ACOXL: variants seen among roughly 807,000 people sequenced by gnomAD.
ACOXL encodes the protein acyl-coenzyme A oxidase-like protein.
A neutral mutation model predicts 71.9 loss-of-function variants in ACOXL; 70 were observed. That is an observed-to-expected ratio of 0.97 (90% confidence interval 0.80 to 1.19). The LOEUF (loss-of-function observed/expected upper bound fraction) is 1.19, where lower values mean the gene tolerates loss of function less well. Ranked by LOEUF, ACOXL falls within the 50% of genes most tolerant of loss-of-function variation. The probability of loss-of-function intolerance (pLI) is 0.00; values close to 1 mark genes in which losing one functional copy is unlikely to be tolerated. For missense variants in ACOXL, 703 were observed against 736.3 expected, an observed-to-expected ratio of 0.95 and a Z score of 0.52; for synonymous variants, 253 against 281.6, an observed-to-expected ratio of 0.90 and a Z score of 1.02.
At chr2:110,796,471 A>G (rs1375512166) in intron 5 of ACOXL, among the ~76,000 whole-genome samples, 1 of 152,182 alleles carries the variant, frequency 6.6e-6, no homozygotes, top group Non-Finnish European at 1.5e-5. Flanking sequence ...GGCTGATGCA[A>G]ACTTTCCAAA....
At chr2:110,918,438 A>G (rs1002018367) in intron 11 of ACOXL, among the ~76,000 whole-genome samples, 3 of 152,144 alleles carry the variant, frequency 2.0e-5, no homozygotes, top group African/African-American at 7.2e-5. Flanking sequence ...AAGACCTAAA[A>G]CCATCAAAAT....
chr2:111,008,898 A>T (rs1159071876), intron 14 of ACOXL, among the ~76,000 whole-genome samples: 1 of 152,100 alleles, frequency 6.6e-6, no homozygotes, highest in African/African-American at 2.4e-5. Context: ...ATATGTTTTC[A>T]ATGTATTGTC....
At chr2:110,999,114 G>T (rs887412435) in intron 14 of ACOXL, among the ~76,000 whole-genome samples, 3 of 152,136 alleles carry the variant, frequency 2.0e-5, no homozygotes, top group Admixed American at 6.5e-5. Flanking sequence ...TTTTCTCACA[G>T]TTCTGGGGGC....
Position 110,886,386 on chromosome 2 carries a change from T to C in ACOXL, c.789-22403T>C, listed in dbSNP as rs143916895. ...TTACCCTATCCTTCTTTTTCTTTTT[T>C]TTTTTTTTTTTAATGGATTCTCACT... On this transcript the variant is annotated intron_variant, in intron 10 of 17. Transcript: ENST00000439055. Among the ~76,000 whole-genome samples the C allele has an allele frequency of 2.5e-3, 376 of 150,978 alleles. 2 individuals are homozygous for C. The highest frequency in any genetic ancestry group is 8.4e-3 in the African/African-American group (346 of 41,200).
At chr2:110,906,586 CAAAA>C (rs78173066) in intron 10 of ACOXL, among the ~76,000 whole-genome samples, 5 of 98,902 alleles carry the variant, frequency 5.1e-5, no homozygotes, top group Non-Finnish European at 7.9e-5. Flanking sequence ...ATTTTTCAGC[CAAAA>C]AAAAAAAAAA....
At chr2:110,952,548 G>C (rs1199557398) in intron 12 of ACOXL, among the ~76,000 whole-genome samples, 1 of 152,110 alleles carries the variant, frequency 6.6e-6, no homozygotes, top group Non-Finnish European at 1.5e-5. Flanking sequence ...GGGCTCAAGA[G>C]ATCCTCCCTC....
chr2:110,930,679 A>G (rs1360099667), intron 11 of ACOXL, among the ~76,000 whole-genome samples: 1 of 152,168 alleles, frequency 6.6e-6, no homozygotes. Flanking sequence ...GGAAGGACTC[A>G]GTGGGGGCTA....
chr2:110,887,041 G>A (rs1051789778), intron 10 of ACOXL: 71 of 626,524 alleles, frequency 1.1e-4, no homozygotes, highest in Non-Finnish European at 1.7e-4. Context: ...CTGGCCTGGC[G>A]TCCACGGGTC....
At chr2:111,060,122 G>T (rs1388310501) in intron 16 of ACOXL, among the ~76,000 whole-genome samples, 1 of 152,192 alleles carries the variant, frequency 6.6e-6, no homozygotes, top group Non-Finnish European at 1.5e-5. Flanking sequence ...GGCCTAGTAG[G>T]GAGCTGGGGT....
chr2:110,852,268 C>T (rs1490434052), intron 10 of ACOXL, among the ~76,000 whole-genome samples: 4 of 152,152 alleles, frequency 2.6e-5, no homozygotes, highest in African/African-American at 9.7e-5. Flanking sequence ...CATTTCATGG[C>T]GTGGTGGAGG....
intron 11 of ACOXL, among the ~76,000 whole-genome samples, chr2:110,911,680 G>A (rs537351974): frequency 3.3e-5 from 5 of 151,982 alleles, no homozygotes; most frequent in African/African-American, 9.6e-5. Context: ...TGATAAAAAC[G>A]CTCAACAAAC....
At chr2:110,766,621 A>G (rs1340540033) in intron 1 of ACOXL, among the ~76,000 whole-genome samples, 1 of 152,186 alleles carries the variant, frequency 6.6e-6, no homozygotes, top group African/African-American at 2.4e-5. Flanking sequence ...GGGTGAATTA[A>G]GTGCCAACTG....
Position 110,735,649 on chromosome 2 carries a change from A to G in ACOXL, c.-23+2875A>G, listed in dbSNP as rs111879442. 1.1e-3 allele frequency among the ~76,000 whole-genome samples: 173 copies of G among 152,314 alleles called. 1 individual carries two copies. The highest frequency in any genetic ancestry group is 4.1e-3 in the African/African-American group (169 of 41,570). ...TCTAAGGAGTGACTTTCTCTCTCCC[A>G]AGGATGAGCCTGCTGGGCTAAGTCC... is the stretch of plus-strand genomic sequence containing the variant. On this transcript the variant is annotated intron_variant, in intron 1 of 17. Coordinates refer to ENST00000439055, the MANE Select transcript of ACOXL (RefSeq NM_001142807.4).
At chr2:110,923,661 T>TGGTG in intron 11 of ACOXL, among the ~76,000 whole-genome samples, 1 of 152,136 alleles carries the variant, frequency 6.6e-6, no homozygotes, top group East Asian at 1.9e-4. Context: ...AGGCCTGGTG[T>TGGTG]GGTGGCTCAT....
intron 16 of ACOXL, among the ~76,000 whole-genome samples, chr2:111,069,174 C>G (rs1351985882): frequency 7.0e-6 from 1 of 143,642 alleles, no homozygotes; most frequent in East Asian, 2.0e-4. Flanking sequence ...TAATTTGAGA[C>G]AGAGTCTCTC....
At chr2:110,835,810 CAA>C (rs1690383770) in intron 9 of ACOXL, among the ~76,000 whole-genome samples, 1 of 152,162 alleles carries the variant, frequency 6.6e-6, no homozygotes, top group Non-Finnish European at 1.5e-5. Flanking sequence ...CTGAAATGCC[CAA>C]GTTTGTGACT....
chr2:111,099,297 CTAA>C (rs953207090), intron 17 of ACOXL: 4 of 152,258 alleles, frequency 2.6e-5, no homozygotes, highest in African/African-American at 9.6e-5. Context: ...AATCAGATAA[CTAA>C]TGCCTATTCT....
At chr2:110,734,583 T>C (rs1676602883) in intron 1 of ACOXL, among the ~76,000 whole-genome samples, 1 of 152,092 alleles carries the variant, frequency 6.6e-6, no homozygotes, top group African/African-American at 2.4e-5. Context: ...CTAAAATCAA[T>C]GTTTGTGAAC....
At chr2:110,963,960 G>A (rs941016693) in intron 12 of ACOXL, among the ~76,000 whole-genome samples, 1 of 152,048 alleles carries the variant, frequency 6.6e-6, no homozygotes, top group East Asian at 1.9e-4. Context: ...TACTAGGAAG[G>A]GTATTTTGAA....
Sources: allele counts gnomAD v4.1 joint callset (sites outside exome capture counted in the v4.1 genomes callset), GRCh38; gene constraint gnomAD v4.1.1; transcripts MANE v1.5; gene names NCBI Gene and HGNC (gene_info 2026-07-23, HGNC 2026-07-21).